ARHGAP24: variants seen among roughly 807,000 people sequenced by gnomAD.
ARHGAP24 encodes Rho GTPase activating protein 24.
A neutral mutation model predicts 76.4 loss-of-function variants in ARHGAP24; 50 were observed. The observed-to-expected ratio is 0.65, with a 90% CI of 0.52 to 0.83. The LOEUF is 0.83. Ranked by LOEUF, ARHGAP24 falls within the 40% of genes least tolerant of loss-of-function variation. ARHGAP24 has a pLI of 0.00. For synonymous variants in ARHGAP24, 345 were observed against 323.3 expected (o/e 1.07, Z -0.72); for missense variants, 930 against 914.2 (o/e 1.02, Z -0.22).
intron 2 of ARHGAP24, among the ~76,000 whole-genome samples, chr4:85,680,872 T>C (rs931571835): frequency 6.6e-6 from 1 of 151,524 alleles, no homozygotes; most frequent in African/African-American, 2.4e-5. Flanking sequence ...TCCTGAAGCT[T>C]AACAGTCCCC....
intron 2 of ARHGAP24, among the ~76,000 whole-genome samples, chr4:85,607,358 G>C (rs1278882077): frequency 6.6e-6 from 1 of 152,000 alleles, no homozygotes; most frequent in Non-Finnish European, 1.5e-5. Context: ...GAAAGAGAGA[G>C]AGAGGGAGGG....
chr4:85,553,140 T>A (rs1168564605), intron 1 of ARHGAP24, among the ~76,000 whole-genome samples: 1 of 152,026 alleles, frequency 6.6e-6, no homozygotes, highest in Non-Finnish European at 1.5e-5. Flanking sequence ...TCCCAGTGGG[T>A]TTGTGGTCTC....
At chr4:85,827,101 T>G (rs1729747409) in intron 3 of ARHGAP24, among the ~76,000 whole-genome samples, 1 of 152,316 alleles carries the variant, frequency 6.6e-6, no homozygotes, top group Admixed American at 6.5e-5. Flanking sequence ...AAGAAATGCC[T>G]TCTTGAAGAC....
intron 4 of ARHGAP24, among the ~76,000 whole-genome samples, chr4:85,935,665 A>G (rs1736591331): frequency 6.6e-6 from 1 of 152,198 alleles, no homozygotes; most frequent in South Asian, 2.1e-4. Flanking sequence ...GCCATCTTCA[A>G]ATCTGTTTCC....
intron 3 of ARHGAP24, among the ~76,000 whole-genome samples, chr4:85,897,675 T>C (rs915289967): frequency 6.6e-6 from 1 of 152,356 alleles, no homozygotes; most frequent in East Asian, 1.9e-4. Context: ...CCTTTCTTAC[T>C]CTTTTATTTA....
chr4:85,498,448 T>A (rs1560509510), intron 1 of ARHGAP24, among the ~76,000 whole-genome samples: 1 of 152,174 alleles, frequency 6.6e-6, no homozygotes, highest in East Asian at 1.9e-4. Flanking sequence ...TCAATTATAT[T>A]AATGGAAAAA....
chr4:85,999,718 G>A (rs1217888403), intron 9 of ARHGAP24: 1 of 152,116 alleles, frequency 6.6e-6, no homozygotes, highest in Non-Finnish European at 1.5e-5. Context: ...GGAGAAAACA[G>A]TCTCTGTTTT....
chr4:85,594,030 G>C (rs937069526), intron 2 of ARHGAP24, among the ~76,000 whole-genome samples: 2 of 151,974 alleles, frequency 1.3e-5, no homozygotes, highest in Admixed American at 6.6e-5. Context: ...TGAATCTGTA[G>C]ATTGCTTTGG....
chr4:85,710,151 A>G (rs943532636), intron 2 of ARHGAP24, among the ~76,000 whole-genome samples: 2 of 152,150 alleles, frequency 1.3e-5, no homozygotes, highest in South Asian at 2.1e-4. Flanking sequence ...GTACTGGTAC[A>G]AAAACAGACA....
At chr4:85,882,154 T>G (rs1169920751) in intron 3 of ARHGAP24, among the ~76,000 whole-genome samples, 2 of 104,390 alleles carry the variant, frequency 1.9e-5, no homozygotes, top group African/African-American at 7.1e-5. Context: ...TGGGTTAAAA[T>G]AAAGAAGCCA....
intron 3 of ARHGAP24, among the ~76,000 whole-genome samples, chr4:85,783,223 AG>A (rs1331035680): frequency 1.3e-5 from 2 of 152,112 alleles, no homozygotes; most frequent in Admixed American, 1.3e-4. Flanking sequence ...CTTTTGCTGT[AG>A]GTATTGTGGA....
At chr4:85,721,759 A>G (rs779924459) in intron 2 of ARHGAP24, 126 bp from the exon 3 acceptor site, 6 of 803,042 alleles carry the variant, frequency 7.5e-6, no homozygotes, top group Non-Finnish European at 1.3e-5. Flanking sequence ...TGGGAATATA[A>G]AAGATTCTGA....
chr4:85,556,405 T>C lies in ARHGAP24; in HGVS notation c.-20-14117T>C, dbSNP rs536101474. On this transcript the variant is annotated intron_variant, in intron 1 of 9. Transcript: ENST00000395184. ...CCCCTGCCTGGTGAAGAGTGGGGTG[T>C]GGGAGCTCGCTGGAAAGAGACTGGG... Among the ~76,000 whole-genome samples the C allele has an allele frequency of 3.9e-5, 6 of 152,204 alleles. No homozygotes were observed. In the East Asian group the frequency reaches 9.7e-4, roughly 25 times the overall value.
At chr4:85,500,476 A>T (rs1347339112) in intron 1 of ARHGAP24, among the ~76,000 whole-genome samples, 1 of 152,240 alleles carries the variant, frequency 6.6e-6, no homozygotes, top group Non-Finnish European at 1.5e-5. Flanking sequence ...ATAAGTACCA[A>T]CTCATTAAAA....
intron 3 of ARHGAP24, among the ~76,000 whole-genome samples, chr4:85,753,175 A>G (rs766091861): frequency 3.5e-4 from 53 of 152,250 alleles, no homozygotes; most frequent in Non-Finnish European, 6.3e-4. Context: ...TATACTGATT[A>G]GAAAGCCCAT....
intron 2 of ARHGAP24, among the ~76,000 whole-genome samples, chr4:85,690,565 A>C (rs1245302654): frequency 1.3e-5 from 2 of 152,018 alleles, no homozygotes; most frequent in Non-Finnish European, 1.5e-5. Flanking sequence ...CCAGGAATTT[A>C]TCTCTTTCCT....
At chr4:85,638,243 C>A (rs1194440552) in intron 2 of ARHGAP24, among the ~76,000 whole-genome samples, 2 of 152,118 alleles carry the variant, frequency 1.3e-5, no homozygotes, top group South Asian at 2.1e-4. Context: ...GATCCAAATA[C>A]CACATTTAAT....
At chr4:85,920,948 ACAATGTGGAAG>A (rs993951552) in intron 3 of ARHGAP24, among the ~76,000 whole-genome samples, 31 of 152,362 alleles carry the variant, frequency 2.0e-4, no homozygotes, top group African/African-American at 7.0e-4. Context: ...AATTAGTTCA[ACAATGTGGAAG>A]ACAGAGTGTT....
intron 1 of ARHGAP24, among the ~76,000 whole-genome samples, chr4:85,537,563 C>T (rs1304353945): frequency 4.6e-5 from 7 of 151,792 alleles, no homozygotes; most frequent in African/African-American, 1.7e-4. Context: ...AAGGTATGTT[C>T]TCATACAAAA....
Sources: allele counts gnomAD v4.1 joint callset (sites outside exome capture counted in the v4.1 genomes callset), GRCh38; gene constraint gnomAD v4.1.1; transcripts MANE v1.5; gene names NCBI Gene and HGNC (gene_info 2026-07-23, HGNC 2026-07-21).